Variants in SAMSN1 observed in about 807,000 individuals in gnomAD.
The protein encoded by SAMSN1 is SAM domain-containing protein SAMSN-1.
In SAMSN1, 31 loss-of-function variants were observed where a neutral mutation model predicts 42.0. The observed-to-expected ratio is 0.74, with a 90% CI of 0.55 to 1.00. The LOEUF is 1.00. Ranked by LOEUF, SAMSN1 falls within the 50% of genes least tolerant of loss-of-function variation. The pLI, the probability that SAMSN1 is intolerant of heterozygous loss-of-function variation, is 0.00. For synonymous variants in SAMSN1, 178 were observed against 151.9 expected, an observed-to-expected ratio of 1.17 and a Z score of -1.26; for missense variants, 464 against 439.4, an observed-to-expected ratio of 1.06 and a Z score of -0.50.
At chr21:14,654,673 A>C (rs1468940082) in intron 1 of SAMSN1, among the ~76,000 whole-genome samples, 1 of 152,044 alleles carries the variant, frequency 6.6e-6, no homozygotes, top group Non-Finnish European at 1.5e-5. Context: ...CACGGCCAGC[A>C]AAACAGAATA....
At chr21:14,516,366 G>A (rs1015092665) in intron 3 of SAMSN1, among the ~76,000 whole-genome samples, 7 of 151,980 alleles carry the variant, frequency 4.6e-5, no homozygotes, top group Non-Finnish European at 1.0e-4. Flanking sequence ...ATTGTTCTTC[G>A]CATCACATTC....
chr21:14,651,668 T>C (rs1259906802), intron 1 of SAMSN1, among the ~76,000 whole-genome samples: 1 of 151,964 alleles, frequency 6.6e-6, no homozygotes, highest in Non-Finnish European at 1.5e-5. Flanking sequence ...GTACTGGAAG[T>C]CCTAGCTAGA....
chr21:14,575,353 G>T (rs1420265558), intron 2 of SAMSN1, among the ~76,000 whole-genome samples: 1 of 152,094 alleles, frequency 6.6e-6, no homozygotes. Context: ...TTATTGTCAA[G>T]TATATTAATT....
rs184814213 is a variant in SAMSN1 at position 14,642,560 on chromosome 21, C to G, written c.156+442G>C. On this transcript the variant is annotated intron_variant, in intron 2 of 15. Coordinates refer to the SAMSN1 transcript ENST00000647101. Reference sequence around the variant, plus strand: ...AATTGGCCATGGTGGAGCATTTACACTGTGGAAATTGACAAACGCATAAAT... The same window carrying G: ...AATTGGCCATGGTGGAGCATTTACAGTGTGGAAATTGACAAACGCATAAAT... Among the ~76,000 whole-genome samples the G allele has an allele frequency of 7.4e-4, 113 of 152,276 alleles. 1 individual carries two copies. The highest frequency in any genetic ancestry group is 2.6e-3 in the African/African-American group (109 of 41,552).
At chr21:14,492,344 T>C (rs1986728690) in intron 7 of SAMSN1, among the ~76,000 whole-genome samples, 1 of 152,210 alleles carries the variant, frequency 6.6e-6, no homozygotes, top group Admixed American at 6.5e-5. Flanking sequence ...AATACTTGTA[T>C]GTGTGAGGTG....
At chr21:14,571,751 G>A (rs543801433) in intron 2 of SAMSN1, among the ~76,000 whole-genome samples, 1 of 152,146 alleles carries the variant, frequency 6.6e-6, no homozygotes, top group African/African-American at 2.4e-5. Flanking sequence ...GTCAGAAAAG[G>A]GCAACGGTGA....
intron 1 of SAMSN1, among the ~76,000 whole-genome samples, chr21:14,541,297 A>C (rs1046645048): frequency 6.7e-6 from 1 of 149,138 alleles, no homozygotes; most frequent in African/African-American, 2.5e-5. Flanking sequence ...AAAGAAACAA[A>C]GACAGATAAA....
At chr21:14,626,845 C>G (rs1247145571) in intron 2 of SAMSN1, among the ~76,000 whole-genome samples, 5 of 152,072 alleles carry the variant, frequency 3.3e-5, no homozygotes, top group East Asian at 1.9e-4. Context: ...TATTGTGGCA[C>G]TATTCACAAT....
At chr21:14,514,044 G>C (rs1183304317) in intron 3 of SAMSN1, among the ~76,000 whole-genome samples, 2 of 152,134 alleles carry the variant, frequency 1.3e-5, no homozygotes, top group African/African-American at 4.8e-5. Context: ...TTGCACTAAA[G>C]CCATGCTCCC....
upstream of SAMSN1, among the ~76,000 whole-genome samples, chr21:14,584,329 T>C (rs776567383): frequency 6.6e-6 from 1 of 152,228 alleles, no homozygotes; most frequent in Admixed American, 6.5e-5. Context: ...CTAGAAGATA[T>C]GCACTAAGTG....
intron 2 of SAMSN1, among the ~76,000 whole-genome samples, chr21:14,561,313 C>A (rs1980940931): frequency 6.6e-6 from 1 of 152,104 alleles, no homozygotes; most frequent in Non-Finnish European, 1.5e-5. Context: ...TAAAAACCAC[C>A]TCCAAGCCTT....
intron 6 of SAMSN1, among the ~76,000 whole-genome samples, chr21:14,595,400 C>T (rs1367327561): frequency 6.6e-6 from 1 of 152,084 alleles, no homozygotes; most frequent in Non-Finnish European, 1.5e-5. Flanking sequence ...TTCTCAGCCT[C>T]TAGAGCTGTG....
chr21:14,560,990 G>A (rs552796797), intron 2 of SAMSN1, among the ~76,000 whole-genome samples: 3 of 152,276 alleles, frequency 2.0e-5, no homozygotes, highest in African/African-American at 4.8e-5. Flanking sequence ...GCTTTTATGA[G>A]AGGGTCTTGA....
intron 2 of SAMSN1, among the ~76,000 whole-genome samples, chr21:14,577,816 T>C (rs924280258): frequency 6.6e-6 from 1 of 152,232 alleles, no homozygotes; most frequent in Non-Finnish European, 1.5e-5. Context: ...CCCATTTCTC[T>C]TGTGGAGTAT....
chr21:14,565,227 C>A (rs1056740464), intron 2 of SAMSN1, among the ~76,000 whole-genome samples: 1 of 142,058 alleles, frequency 7.0e-6, no homozygotes, highest in African/African-American at 2.6e-5. Flanking sequence ...ACCTGGGAGG[C>A]GGAGGTTGCA....
chr21:14,536,879 A>C (rs1979657745), intron 1 of SAMSN1, among the ~76,000 whole-genome samples: 2 of 152,200 alleles, frequency 1.3e-5, no homozygotes, highest in Admixed American at 6.5e-5. Context: ...AAACATCCAA[A>C]TGGATAAAGT....
chr21:14,579,337 A>G (rs1235522169), intron 2 of SAMSN1, among the ~76,000 whole-genome samples: 2 of 152,238 alleles, frequency 1.3e-5, no homozygotes, highest in Admixed American at 6.5e-5. Flanking sequence ...TCGTTAAGTT[A>G]TATATTAAAA....
At chr21:14,494,118 T>C (rs1433844069) in intron 7 of SAMSN1, among the ~76,000 whole-genome samples, 1 of 152,228 alleles carries the variant, frequency 6.6e-6, no homozygotes, top group Non-Finnish European at 1.5e-5. Context: ...AGTGGGAATG[T>C]AAATTAGTTC....
At chr21:14,496,544 C>G (rs1986922480) in intron 7 of SAMSN1, 1 of 152,248 alleles carries the variant, frequency 6.6e-6, no homozygotes, top group Non-Finnish European at 1.5e-5. Flanking sequence ...GAATCTACTT[C>G]TAAGCCAAAC....
Sources: gnomAD v4.1 joint callset for allele counts (sites outside exome capture counted in the v4.1 genomes callset) on GRCh38, gnomAD v4.1.1 for gene constraint, MANE v1.5 for transcripts, NCBI Gene and HGNC (gene_info 2026-07-23, HGNC 2026-07-21) for gene names.